The following VCAN variants were observed in gnomAD, a reference collection of about 807,000 sequenced individuals.
VCAN encodes versican, also known as versican core protein.
Under a neutral mutation model 245.5 loss-of-function variants are expected in VCAN, and 44 were observed. The ratio of observed to expected loss-of-function variants is 0.18; its 90% CI spans 0.14 to 0.23. The LOEUF (loss-of-function observed/expected upper bound fraction) is 0.23. VCAN is among the 10% of genes least tolerant of loss of function. The probability of loss-of-function intolerance (pLI) is 1.00; values close to 1 mark genes in which losing one functional copy is unlikely to be tolerated. For missense variants in VCAN, 3,793 were observed against 4,057.9 expected (o/e 0.93, Z 1.77); for synonymous variants, 1,413 against 1,437.0 (o/e 0.98, Z 0.38).
chr5:83,495,718 A>C (rs941284564), intron 5 of VCAN, among the ~76,000 whole-genome samples: 7 of 152,344 alleles, frequency 4.6e-5, no homozygotes, highest in Admixed American at 6.5e-5. Flanking sequence ...TGCTAGTAAT[A>C]CTAGAAATGA....
chr5:83,575,833 G>GT (rs1748451510), intron 13 of VCAN, among the ~76,000 whole-genome samples: 1 of 152,026 alleles, frequency 6.6e-6, no homozygotes, highest in South Asian at 2.1e-4. Flanking sequence ...TGGATAACAA[G>GT]TTTTATAAAA....
At chr5:83,553,267 C>G in intron 10 of VCAN, 97 bp from the exon 11 acceptor site, 1 of 1,508,584 alleles carries the variant, frequency 6.6e-7, no homozygotes, top group Non-Finnish European at 9.1e-7. Context: ...GGACATTGCA[C>G]AGATACTGGC....
At chr5:83,505,356 A>C (rs1465278640) in intron 5 of VCAN, among the ~76,000 whole-genome samples, 1 of 152,216 alleles carries the variant, frequency 6.6e-6, no homozygotes, top group East Asian at 1.9e-4. Context: ...GTATTGGGTA[A>C]ATACACCCAT....
chr5:83,570,701 G>T (rs1195031565), intron 12 of VCAN, among the ~76,000 whole-genome samples: 1 of 152,074 alleles, frequency 6.6e-6, no homozygotes, highest in Non-Finnish European at 1.5e-5. Flanking sequence ...TGAAAACACT[G>T]CAGATAGCTA....
At chr5:83,502,998 A>G (rs914816055) in intron 5 of VCAN, among the ~76,000 whole-genome samples, 2 of 152,150 alleles carry the variant, frequency 1.3e-5, no homozygotes, top group African/African-American at 4.8e-5. Context: ...ATAACTGAAG[A>G]TTGGCCTTTG....
In VCAN at chr5:83,540,072, C is replaced by T. The variant is rs748853681; in HGVS notation, c.7069C>T (p.His2357Tyr). The change falls in exon 8 of 15, where the codon CAT (histidine) becomes TAT (tyrosine). Residue 2357 changes from histidine (H) to tyrosine (Y), a missense_variant. By Grantham distance (83) the His-to-Tyr change is moderately conservative. This residue lies in a region of VCAN where 3,182 missense variants were observed against 3,250.3 expected (regional missense o/e 0.98). Coordinates refer to ENST00000265077, the MANE Select transcript of VCAN (RefSeq NM_004385.5). ...APLPFSTDIG[H>Y]PQNQTVRWAE... ...TCTCCCTTTCTCCACGGACATCGGA[C>T]ATCCTCAAAATCAGACTGTCAGGTG... 3 of 1,614,068 alleles carry T rather than the reference C, an allele frequency of 1.9e-6. No homozygotes were observed. The highest frequency in any genetic ancestry group is 2.5e-6 in the Non-Finnish European group (3 of 1,179,984).
At chr5:83,570,287 T>C (rs1458962823) in intron 12 of VCAN, among the ~76,000 whole-genome samples, 1 of 152,042 alleles carries the variant, frequency 6.6e-6, no homozygotes, top group East Asian at 1.9e-4. Context: ...AAAAAACAAC[T>C]TCCTTAAGGG....
chr5:83,503,808 C>T (rs1745403249), intron 5 of VCAN, among the ~76,000 whole-genome samples: 1 of 152,180 alleles, frequency 6.6e-6, no homozygotes, highest in South Asian at 2.1e-4. Flanking sequence ...TTGGTGATTG[C>T]AAGAATTGTC....
chr5:83,550,047 T>A (rs1164598644), intron 10 of VCAN, among the ~76,000 whole-genome samples: 2 of 152,190 alleles, frequency 1.3e-5, no homozygotes, highest in Non-Finnish European at 2.9e-5. Context: ...TAATTACAGA[T>A]ACAAAATCTA....
chr5:83,503,193 T>C (rs889138855), intron 5 of VCAN, among the ~76,000 whole-genome samples: 7 of 151,614 alleles, frequency 4.6e-5, no homozygotes, highest in African/African-American at 1.7e-4. Flanking sequence ...TGTATATCCA[T>C]ACAGAAAAAC....
chr5:83,526,456 A>G (rs1036308585), intron 7 of VCAN, among the ~76,000 whole-genome samples: 10 of 152,126 alleles, frequency 6.6e-5, no homozygotes, highest in African/African-American at 2.4e-4. Flanking sequence ...GTGTTGGTTA[A>G]TGTTTGAGGG....
In VCAN at chr5:83,555,026, T is replaced by G; in HGVS notation, c.9723T>G (p.Asp3241Glu). ...TTGAGCATGACTTCCGTTGGACTGA[T>G]GGCAGCACACTGGTAAGATGCCCTT... ...KMFEHDFRWT[D>E]GSTLQYENWR... The change falls in exon 12 of 15, where the codon GAT (aspartate) becomes GAG (glutamate). Residue 3241 changes from aspartate (D) to glutamate (E), a missense_variant. Around this residue, in one of 5 missense-constraint regions of VCAN, gnomAD observed 205 missense variants for 321.1 expected, o/e 0.64. Coordinates refer to ENST00000265077, the MANE Select transcript of VCAN (RefSeq NM_004385.5). 6.2e-7 allele frequency: 1 copy of G among 1,613,686 alleles called. No individual in the cohort carries two copies. Among genetic ancestry groups the G allele is most frequent in the Middle Eastern group, 1.7e-4 (1 of 6,054 alleles).
chr5:83,483,700 T>C, intron 2 of VCAN, 112 bp downstream of exon 2: 1 of 1,024,734 alleles, frequency 9.8e-7, no homozygotes, highest in Non-Finnish European at 1.5e-6. Context: ...TAAAATCTAT[T>C]AAGTGCTGAA....
In VCAN at chr5:83,541,136, T is replaced by C; in HGVS notation, c.8133T>C (p.Ala2711=). Residue 2711 remains alanine, a synonymous_variant, in exon 8 of 15, where the codon GCT becomes GCC. Transcript: ENST00000265077. ...TTCCAGAGATTGAAGGAATAAAAGC[T>C]GAAGCAAAAGCCCTGGATGACATGT... ...TVIPEIEGIK[A]EAKALDDMFE... 4 of 1,614,104 alleles carry C rather than the reference T, an allele frequency of 2.5e-6. No individual in the cohort carries two copies. The highest frequency in any genetic ancestry group is 3.4e-6 in the Non-Finnish European group (4 of 1,180,002).
Position 83,522,222 on chromosome 5 carries a change from G to T in VCAN, c.3916G>T (p.Ala1306Ser). Residue 1306 changes from alanine to serine, a missense_variant, in exon 7 of 15, where the codon GCG becomes TCG. Transcript: ENST00000265077. Reference sequence around the variant, plus strand: ...AGACAAAGAGGCCTTTGGACCTCAGGCGCTTTCTACGCCACAGCCCCCAGC... The same window carrying T: ...AGACAAAGAGGCCTTTGGACCTCAGTCGCTTTCTACGCCACAGCCCCCAGC... ...VEDKEAFGPQALSTPQPPAST... is the reference protein window; with the variant it reads ...VEDKEAFGPQSLSTPQPPAST... 2 of 1,602,584 alleles carry T rather than the reference G, an allele frequency of 1.2e-6. No homozygotes were observed. Among genetic ancestry groups the T allele is most frequent in the Non-Finnish European group, 1.7e-6 (2 of 1,179,740 alleles).
intron 5 of VCAN, among the ~76,000 whole-genome samples, chr5:83,501,863 C>G (rs970558217): frequency 6.6e-6 from 1 of 152,168 alleles, no homozygotes; most frequent in Non-Finnish European, 1.5e-5. Flanking sequence ...CAATGAATCT[C>G]TAGATCAACT....
In VCAN at chr5:83,537,424, C is replaced by A; in HGVS notation, c.4421C>A (p.Thr1474Asn). The A allele has an allele frequency of 1.2e-6, 2 of 1,613,922 alleles. No homozygotes were observed. The highest frequency in any genetic ancestry group is 1.1e-5 in the South Asian group (1 of 91,082). Residue 1474 changes from threonine (T) to asparagine (N), a missense_variant, in exon 8 of 15, where the codon ACT (threonine) becomes AAT (asparagine). Coordinates refer to ENST00000265077, the MANE Select transcript of VCAN (RefSeq NM_004385.5). ...CAACCTAATGAATCTACAGAAACAACTGAGTCTCTTGAAGTTACATGGAAG... is the reference window on the plus strand; with the variant it reads ...CAACCTAATGAATCTACAGAAACAAATGAGTCTCTTGAAGTTACATGGAAG... ...AVQPNESTET[T>N]ESLEVTWKPE...
In VCAN at chr5:83,541,625, G is replaced by A. The variant is rs3096171; in HGVS notation, c.8622G>A (p.Ala2874=). 2.2e-3 allele frequency: 3,550 copies of A among 1,613,724 alleles called. 65 individuals are homozygous for A. In the African/African-American group the frequency reaches 0.039, roughly 18 times the overall value. Reference sequence around the variant, plus strand: ...AGGAAATTCATGTAAATATTGAAGCGACTTTCAAACCATCAAGTGAGGAAT... The same window carrying A: ...AGGAAATTCATGTAAATATTGAAGCAACTTTCAAACCATCAAGTGAGGAAT... ...SFKEIHVNIE[A]TFKPSSEEYL... The change falls in exon 8 of 15, where the codon GCG becomes GCA. Residue 2874 remains alanine (A), a synonymous_variant. Transcript: ENST00000265077.
At chr5:83,505,701 C>T (rs186344412) in intron 5 of VCAN, among the ~76,000 whole-genome samples, 156 of 152,326 alleles carry the variant, frequency 1.0e-3, no homozygotes, top group Non-Finnish European at 1.8e-3. Context: ...GTAGGGAGTG[C>T]CCCTGTAGGG....
Sources: gnomAD v4.1 joint callset for allele counts (sites outside exome capture counted in the v4.1 genomes callset) on GRCh38, gnomAD v4.1.1 for gene constraint, gnomAD v4.1.1 regional missense constraint, MANE v1.5 for transcripts, NCBI Gene and HGNC (gene_info 2026-07-23, HGNC 2026-07-21) for gene names.